CSRP3: variants seen among roughly 807,000 people sequenced by gnomAD.
CSRP3 encodes the protein cysteine and glycine rich protein 3.
A neutral mutation model predicts 24.3 loss-of-function variants in CSRP3; 24 were observed. The observed-to-expected ratio is 0.99, with a 90% CI of 0.71 to 1.39. The LOEUF (loss-of-function observed/expected upper bound fraction) is 1.39. Among genes scored for constraint, CSRP3 ranks in the 40% most tolerant of loss-of-function variants. The pLI, the probability that CSRP3 is intolerant of heterozygous loss-of-function variation, is 0.00. For missense variants in CSRP3, 240 were observed against 249.0 expected (o/e 0.96, Z 0.24); for synonymous variants, 105 against 94.0 (o/e 1.12, Z -0.68).
chr11:19,191,064 A>T (rs1328732948), intron 2 of CSRP3, among the ~76,000 whole-genome samples: 1 of 152,202 alleles, frequency 6.6e-6, no homozygotes, highest in African/African-American at 2.4e-5. Flanking sequence ...CTGGATTTCC[A>T]TATCAAGACC....
intron 2 of CSRP3, among the ~76,000 whole-genome samples, chr11:19,190,463 T>C (rs1850596029): frequency 6.6e-6 from 1 of 152,240 alleles, no homozygotes; most frequent in South Asian, 2.1e-4. Context: ...TTATAATGTT[T>C]TGGATATATT....
intron 5 of CSRP3, among the ~76,000 whole-genome samples, chr11:19,183,706 A>C (rs983059908): frequency 6.6e-6 from 1 of 152,196 alleles, no homozygotes. Context: ...TTCTACTGCC[A>C]GGAGACGGCA....
At chr11:19,197,674 T>C (rs1177027655) in intron 1 of CSRP3, among the ~76,000 whole-genome samples, 1 of 151,410 alleles carries the variant, frequency 6.6e-6, no homozygotes, top group Admixed American at 6.6e-5. Context: ...AGGCCATGAC[T>C]TTGGGCAGAG....
At chr11:19,189,504 T>C (rs1470933238) in intron 2 of CSRP3, among the ~76,000 whole-genome samples, 1 of 152,222 alleles carries the variant, frequency 6.6e-6, no homozygotes, top group East Asian at 1.9e-4. Flanking sequence ...GTATTTGCCT[T>C]TTAAAAAAAC....
In CSRP3 at chr11:19,182,529, T is replaced by C. The variant is rs980731285; in HGVS notation, c.*141A>G. 9 of 797,338 alleles carry C rather than the reference T, an allele frequency of 1.1e-5. No individual in the cohort carries two copies. Among genetic ancestry groups the C allele is most frequent in the Non-Finnish European group, 2.0e-5 (9 of 442,852 alleles). The allele number at this position is 797,338 out of a possible 1,614,324, so 49.4% of individuals were successfully genotyped here. A position where few individuals can be genotyped will look rare whatever the true frequency, so the allele number is the denominator to read the frequency against. Reference sequence around the variant, plus strand: ...TCCAAAGGCCTCTTCTAACATTCAGTAAAGACCTGATCACTTCTGAGGAGA... The same window carrying C: ...TCCAAAGGCCTCTTCTAACATTCAGCAAAGACCTGATCACTTCTGAGGAGA... On this transcript the variant is annotated 3_prime_UTR_variant, in exon 6 of 6. Coordinates refer to ENST00000265968, the MANE Select transcript of CSRP3 (RefSeq NM_003476.5).
chr11:19,184,892 C>A, intron 5 of CSRP3, 60 bp downstream of exon 5: 1 of 1,255,788 alleles, frequency 8.0e-7, no homozygotes, highest in Non-Finnish European at 1.2e-6. Context: ...AACGTAATTT[C>A]CTCTCCCAAG....
chr11:19,184,536 G>A (rs958323792), intron 5 of CSRP3, among the ~76,000 whole-genome samples: 3 of 152,220 alleles, frequency 2.0e-5, no homozygotes, highest in Non-Finnish European at 4.4e-5. Flanking sequence ...GCCAAACTGA[G>A]TTCACCCTCC....
intron 3 of CSRP3, 152 bp from the exon 4 acceptor site, chr11:19,186,500 G>T: frequency 2.9e-6 from 3 of 1,045,284 alleles, no homozygotes; most frequent in Non-Finnish European, 4.3e-6. Context: ...TCATAGCGTT[G>T]TTGAGAGGGT....
intron 4 of CSRP3, among the ~76,000 whole-genome samples, 191 bp from the exon 5 acceptor site, chr11:19,185,236 C>G (rs1003633848): frequency 6.6e-6 from 1 of 152,198 alleles, no homozygotes; most frequent in African/African-American, 2.4e-5. Flanking sequence ...TTCTCAGAAG[C>G]CTGAAAATGG....
chr11:19,195,298 T>C (rs1049375956), intron 1 of CSRP3, among the ~76,000 whole-genome samples: 3 of 152,118 alleles, frequency 2.0e-5, no homozygotes, highest in Non-Finnish European at 4.4e-5. Flanking sequence ...CTGGAATAGA[T>C]TTTTAAGATT....
In CSRP3 at chr11:19,182,719, G is replaced by T; in HGVS notation, c.536C>A (p.Thr179Lys). The change falls in exon 6 of 6, where the codon ACG becomes AAG. Residue 179 changes from threonine to lysine, a missense_variant. Coordinates refer to ENST00000265968, the MANE Select transcript of CSRP3 (RefSeq NM_003476.5). ...TGTAAGGCCTCCAAACCCAATACCCGTGGGGCCAAAATTTTTGGCATAGCA... is the reference window on the plus strand; with the variant it reads ...TGTAAGGCCTCCAAACCCAATACCCTTGGGGCCAAAATTTTTGGCATAGCA... ...KVCYAKNFGP[T>K]GIGFGGLTQQ... 3 of 1,614,090 alleles carry T rather than the reference G, an allele frequency of 1.9e-6. No homozygotes were observed. Among genetic ancestry groups the T allele is most frequent in the African/African-American group, 1.3e-5 (1 of 75,016 alleles).
At chr11:19,193,165 A>G (rs1850642946) in intron 1 of CSRP3, among the ~76,000 whole-genome samples, 1 of 152,218 alleles carries the variant, frequency 6.6e-6, no homozygotes, top group Non-Finnish European at 1.5e-5. Flanking sequence ...GCACTACACT[A>G]GGTCAGTAGT....
At chr11:19,185,126 T>A (rs1375645514) in intron 4 of CSRP3, 81 bp from the exon 5 acceptor site, 4 of 1,025,248 alleles carry the variant, frequency 3.9e-6, no homozygotes, top group Non-Finnish European at 6.2e-6. Context: ...ACCAGCAGCA[T>A]CCAGAGGAGT....
chr11:19,194,605 C>G lies in CSRP3; in HGVS notation c.-28-2129G>C, dbSNP rs1850667451. Among the ~76,000 whole-genome samples the G allele has an allele frequency of 2.0e-5, 3 of 152,274 alleles. No individual in the cohort carries two copies. In the South Asian group the frequency reaches 6.2e-4, roughly 32 times the overall value. On this transcript the variant is annotated intron_variant, in intron 1 of 5. Transcript: ENST00000265968. Reference sequence around the variant, plus strand: ...GGTTGAGGCAGGAGAATCACTTGAACTCAGGAGTTCTAGGCTTCAATGAGC... The same window carrying G: ...GGTTGAGGCAGGAGAATCACTTGAAGTCAGGAGTTCTAGGCTTCAATGAGC...
intron 4 of CSRP3, among the ~76,000 whole-genome samples, chr11:19,185,392 G>A (rs1850508134): frequency 6.6e-6 from 1 of 152,200 alleles, no homozygotes; most frequent in Admixed American, 6.5e-5. Flanking sequence ...TGAGTATAAA[G>A]TTACAGAAGG....
intron 4 of CSRP3, 33 bp downstream of exon 4, chr11:19,186,183 C>G: frequency 6.2e-7 from 1 of 1,614,092 alleles, no homozygotes. Context: ...TGGAGATGAG[C>G]AAATTCTGTC....
intron 4 of CSRP3, among the ~76,000 whole-genome samples, chr11:19,185,772 A>G (rs571827926): frequency 2.6e-5 from 4 of 152,272 alleles, no homozygotes; most frequent in African/African-American, 9.6e-5. Flanking sequence ...CGGACATCTG[A>G]TGACTTTCCT....
chr11:19,188,375 A>G, intron 2 of CSRP3, 71 bp from the exon 3 acceptor site: 1 of 1,552,718 alleles, frequency 6.4e-7, no homozygotes, highest in Non-Finnish European at 8.8e-7. Context: ...TCCCAATGCC[A>G]TGCTCGGGGC....
At position 19,182,105 on chromosome 11, in the gene CSRP3, G is replaced by A. The variant is rs1850443420; in HGVS notation, c.*565C>T. 6.4e-6 allele frequency: 1 copy of A among 155,118 alleles called. No individual in the cohort carries two copies. Among genetic ancestry groups the A allele is most frequent in the Non-Finnish European group, 1.4e-5 (1 of 69,790 alleles). The allele number at this position is 155,118 out of a possible 1,614,324, so 9.6% of individuals were successfully genotyped here. A position where few individuals can be genotyped will look rare whatever the true frequency, so the allele number is the denominator to read the frequency against. On this transcript the variant is annotated 3_prime_UTR_variant, in exon 6 of 6. Transcript: ENST00000265968. ...TTCACGAGATGTGTAACATTACAAAGCCCCACGATAGGACAAAGGGATCAA... is the reference window on the plus strand; with the variant it reads ...TTCACGAGATGTGTAACATTACAAAACCCCACGATAGGACAAAGGGATCAA...
Sources: allele counts gnomAD v4.1 joint callset (sites outside exome capture counted in the v4.1 genomes callset), GRCh38; gene constraint gnomAD v4.1.1; transcripts MANE v1.5; gene names NCBI Gene and HGNC (gene_info 2026-07-23, HGNC 2026-07-21).